GPC5: variants seen among roughly 807,000 people sequenced by gnomAD.
GPC5 encodes glypican 5.
GPC5 carries 47 observed loss-of-function variants against 53.9 expected under a neutral mutation model. The observed-to-expected ratio is 0.87, with a 90% confidence interval of 0.69 to 1.11. The LOEUF (loss-of-function observed/expected upper bound fraction) is 1.11, where lower values mean the gene tolerates loss of function less well. Among genes scored for constraint, GPC5 ranks in the 50% most tolerant of loss-of-function variants. The pLI is 0.00. For synonymous variants in GPC5, 286 were observed against 263.3 expected, an observed-to-expected ratio of 1.09 and a Z score of -0.84; for missense variants, 748 against 713.1, an observed-to-expected ratio of 1.05 and a Z score of -0.56.
At chr13:92,370,601 ACT>A (rs1282846109) in intron 7 of GPC5, among the ~76,000 whole-genome samples, 1 of 151,982 alleles carries the variant, frequency 6.6e-6, no homozygotes, top group Non-Finnish European at 1.5e-5. Context: ...TGAAAAATTA[ACT>A]CAGAGTCACT....
At chr13:91,921,517 T>C (rs1351338908) in intron 6 of GPC5, among the ~76,000 whole-genome samples, 1 of 152,048 alleles carries the variant, frequency 6.6e-6, no homozygotes, top group African/African-American at 2.4e-5. Context: ...CAAGAAAAAC[T>C]ATGCAAATGG....
chr13:92,228,679 C>T (rs1330995), intron 7 of GPC5, among the ~76,000 whole-genome samples: 35,404 of 151,936 alleles, frequency 0.23, 4,360 homozygotes, highest in African/African-American at 0.31. Flanking sequence ...AAAGACATGT[C>T]AGAGATAAAA....
intron 6 of GPC5, among the ~76,000 whole-genome samples, chr13:92,000,253 T>G (rs1472209134): frequency 7.4e-6 from 1 of 135,042 alleles, no homozygotes; most frequent in Non-Finnish European, 1.7e-5. Context: ...ACAAACATGG[T>G]GTGCATATTT....
chr13:92,041,283 T>G (rs2040939583), intron 6 of GPC5, among the ~76,000 whole-genome samples: 1 of 152,184 alleles, frequency 6.6e-6, no homozygotes, highest in Non-Finnish European at 1.5e-5. Flanking sequence ...ACAATCAAAA[T>G]AGCAGAAAAC....
chr13:91,863,756 G>T (rs1374730014), intron 5 of GPC5, among the ~76,000 whole-genome samples: 1 of 152,094 alleles, frequency 6.6e-6, no homozygotes, highest in Non-Finnish European at 1.5e-5. Context: ...GCAGCGTGGA[G>T]ATAACTGTGA....
At chr13:92,376,559 G>T (rs1169825072) in intron 7 of GPC5, among the ~76,000 whole-genome samples, 1 of 152,150 alleles carries the variant, frequency 6.6e-6, no homozygotes, top group African/African-American at 2.4e-5. Context: ...AGTGCAGTAA[G>T]TTCCTCCATC....
chr13:91,574,416 A>G (rs1303556117), intron 2 of GPC5, among the ~76,000 whole-genome samples: 1 of 152,188 alleles, frequency 6.6e-6, no homozygotes, highest in Non-Finnish European at 1.5e-5. Context: ...TATCAGAATC[A>G]GATGAGACAG....
chr13:91,580,002 A>G (rs2032297228), intron 2 of GPC5, among the ~76,000 whole-genome samples: 2 of 152,122 alleles, frequency 1.3e-5, no homozygotes. Flanking sequence ...TTTATATCAT[A>G]TAAGAGATAT....
chr13:91,973,272 T>G (rs1005538799), intron 6 of GPC5, among the ~76,000 whole-genome samples: 1 of 152,232 alleles, frequency 6.6e-6, no homozygotes, highest in Non-Finnish European at 1.5e-5. Flanking sequence ...CTCCTGAGGC[T>G]TCTGCATTTT....
intron 5 of GPC5, among the ~76,000 whole-genome samples, chr13:91,868,845 G>A (rs974417042): frequency 2.0e-5 from 3 of 152,162 alleles, no homozygotes; most frequent in African/African-American, 7.2e-5. Flanking sequence ...TGTATGGTCA[G>A]GAACAGAGGA....
intron 2 of GPC5, among the ~76,000 whole-genome samples, chr13:91,548,151 T>C (rs2030406034): frequency 1.3e-5 from 2 of 152,102 alleles, no homozygotes; most frequent in South Asian, 4.1e-4. Flanking sequence ...AAAAGACATA[T>C]AGCTTGGGAA....
chr13:91,435,437 A>T (rs1421821753), intron 1 of GPC5, among the ~76,000 whole-genome samples: 2 of 152,130 alleles, frequency 1.3e-5, no homozygotes, highest in East Asian at 1.9e-4. Context: ...GCATCTACTG[A>T]GATAATCATA....
intron 4 of GPC5, among the ~76,000 whole-genome samples, chr13:91,745,926 A>G (rs144488566): frequency 2.6e-5 from 4 of 152,288 alleles, no homozygotes; most frequent in Admixed American, 1.3e-4. Flanking sequence ...AGCATTTGCA[A>G]TGAGAGTGGT....
At chr13:92,090,175 CTTG>C (rs761022885) in intron 6 of GPC5, among the ~76,000 whole-genome samples, 3 of 152,072 alleles carry the variant, frequency 2.0e-5, no homozygotes, top group Non-Finnish European at 4.4e-5. Context: ...AATTCAGTTT[CTTG>C]TTGTTTTATC....
chr13:91,863,760 A>C (rs1170888267), intron 5 of GPC5, among the ~76,000 whole-genome samples: 1 of 152,156 alleles, frequency 6.6e-6, no homozygotes, highest in Non-Finnish European at 1.5e-5. Context: ...CGTGGAGATA[A>C]CTGTGAAGGA....
At chr13:92,054,351 C>T (rs1438694696) in intron 6 of GPC5, among the ~76,000 whole-genome samples, 1 of 152,158 alleles carries the variant, frequency 6.6e-6, no homozygotes, top group Non-Finnish European at 1.5e-5. Context: ...CTCTGAAACT[C>T]TCACTTCTTC....
Position 91,736,195 on chromosome 13 carries a change from G to A in GPC5, c.1154+7530G>A, listed in dbSNP as rs560833022. 3.4e-3 allele frequency among the ~76,000 whole-genome samples: 515 copies of A among 151,360 alleles called. 24 individuals carry two copies. Among genetic ancestry groups the A allele is most frequent in the African/African-American group, 0.012 (488 of 40,742 alleles). On this transcript the variant is annotated intron_variant, in intron 4 of 7. Transcript: ENST00000377067. The stretch of plus-strand genomic sequence containing the variant: ...AAAATTAAGATAATAAAATAATAAA[G>A]CAGGAATGTTCAAGGGTAAATTGTG...
At chr13:92,768,732 C>T (rs1294618396) in intron 7 of GPC5, among the ~76,000 whole-genome samples, 1 of 151,668 alleles carries the variant, frequency 6.6e-6, no homozygotes, top group Non-Finnish European at 1.5e-5. Context: ...CCCTGTCTTG[C>T]CACTGCTGCT....
At chr13:92,250,022 T>G (rs1328265844) in intron 7 of GPC5, among the ~76,000 whole-genome samples, 1 of 152,110 alleles carries the variant, frequency 6.6e-6, no homozygotes, top group African/African-American at 2.4e-5. Context: ...GTAACAAAGA[T>G]CAATGGATAA....
Sources: allele counts gnomAD v4.1 joint callset (sites outside exome capture counted in the v4.1 genomes callset), GRCh38; gene constraint gnomAD v4.1.1; transcripts MANE v1.5; gene names NCBI Gene and HGNC (gene_info 2026-07-23, HGNC 2026-07-21).